Variants in CACNA2D3 observed in about 807,000 individuals in gnomAD.
CACNA2D3 encodes the protein calcium voltage-gated channel auxiliary subunit alpha2delta 3.
Under a neutral mutation model 160.6 loss-of-function variants are expected in CACNA2D3, and 60 were observed. The ratio of observed to expected loss-of-function variants is 0.37; its 90% CI spans 0.30 to 0.46. The LOEUF is 0.46. CACNA2D3 is among the 20% of genes least tolerant of loss of function. The pLI, the probability that CACNA2D3 is intolerant of heterozygous loss-of-function variation, is 1.00. For synonymous variants in CACNA2D3, 558 were observed against 492.9 expected (o/e 1.13, Z -1.75); for missense variants, 1,205 against 1,365.0 (o/e 0.88, Z 1.85).
chr3:54,739,416 A>C (rs1310362063), intron 11 of CACNA2D3, among the ~76,000 whole-genome samples: 7 of 120,566 alleles, frequency 5.8e-5, no homozygotes, highest in Non-Finnish European at 8.5e-5. Context: ...GGAGAGTGAG[A>C]CTCTGTCTCA....
At chr3:54,801,203 G>A (rs549701680) in intron 13 of CACNA2D3, among the ~76,000 whole-genome samples, 1 of 152,028 alleles carries the variant, frequency 6.6e-6, no homozygotes, top group Non-Finnish European at 1.5e-5. Context: ...GGCCAGGCTG[G>A]TGTCAAACTC....
intron 2 of CACNA2D3, among the ~76,000 whole-genome samples, chr3:54,237,549 T>A (rs1380122217): frequency 6.6e-6 from 1 of 152,216 alleles, no homozygotes; most frequent in Admixed American, 6.5e-5. Flanking sequence ...AAGATTAATC[T>A]TCACCCAAGC....
chr3:54,386,574 T>C (rs1168707692), intron 3 of CACNA2D3, 141 bp from the exon 4 acceptor site: 1 of 660,768 alleles, frequency 1.5e-6, no homozygotes. Context: ...GTGATTATTT[T>C]CAGTTTCATG....
At chr3:54,703,287 A>G (rs147386397) in intron 11 of CACNA2D3, among the ~76,000 whole-genome samples, 7 of 152,330 alleles carry the variant, frequency 4.6e-5, no homozygotes, top group Non-Finnish European at 8.8e-5. Context: ...TAGGTTGGAC[A>G]AGGTGCCACA....
At chr3:54,915,863 G>T (rs1310336190) in intron 27 of CACNA2D3, among the ~76,000 whole-genome samples, 1 of 152,176 alleles carries the variant, frequency 6.6e-6, no homozygotes, top group Non-Finnish European at 1.5e-5. Flanking sequence ...TTTCCTTAAA[G>T]ACTGCCCATA....
intron 27 of CACNA2D3, among the ~76,000 whole-genome samples, chr3:54,943,656 G>T (rs1026443703): frequency 6.6e-6 from 1 of 151,534 alleles, no homozygotes; most frequent in East Asian, 1.9e-4. Flanking sequence ...TTTCCCCCAT[G>T]TGTTTCATCA....
intron 27 of CACNA2D3, among the ~76,000 whole-genome samples, chr3:54,942,122 T>C (rs946400415): frequency 6.6e-6 from 1 of 152,254 alleles, no homozygotes; most frequent in Non-Finnish European, 1.5e-5. Context: ...CAATCCTTTG[T>C]TACCTTAGCC....
At chr3:54,828,308 A>T (rs1162219288) in intron 14 of CACNA2D3, among the ~76,000 whole-genome samples, 2 of 152,226 alleles carry the variant, frequency 1.3e-5, no homozygotes, top group Admixed American at 6.5e-5. Flanking sequence ...CCAATGCCTC[A>T]TGATAATTTT....
intron 4 of CACNA2D3, among the ~76,000 whole-genome samples, chr3:54,388,363 G>A (rs1559467938): frequency 6.6e-6 from 1 of 152,218 alleles, no homozygotes; most frequent in Non-Finnish European, 1.5e-5. Flanking sequence ...TGTTGGTATG[G>A]TTGATGCAGT....
intron 11 of CACNA2D3, among the ~76,000 whole-genome samples, chr3:54,644,094 A>G (rs1411629333): frequency 1.3e-5 from 2 of 152,112 alleles, no homozygotes; most frequent in Non-Finnish European, 2.9e-5. Flanking sequence ...AAGAATATTG[A>G]TATTTAAATG....
chr3:54,195,980 A>T (rs1212521345), intron 2 of CACNA2D3, among the ~76,000 whole-genome samples: 2 of 152,238 alleles, frequency 1.3e-5, no homozygotes, highest in Admixed American at 1.3e-4. Context: ...CACGACTGCC[A>T]TTGATCATTG....
intron 2 of CACNA2D3, among the ~76,000 whole-genome samples, chr3:54,280,064 G>GTTTATTTA (rs1236864026): frequency 4.6e-5 from 6 of 131,410 alleles, no homozygotes; most frequent in South Asian, 2.4e-4. Context: ...TTGTTTGTTT[G>GTTTATTTA]TTTGTTTATT....
In CACNA2D3 at chr3:54,627,850, A is replaced by G; in HGVS notation, c.1027A>G (p.Asn343Asp). 1 of 1,607,838 alleles carries G rather than the reference A, an allele frequency of 6.2e-7. No homozygotes were observed. Among genetic ancestry groups the G allele is most frequent in the Non-Finnish European group, 8.5e-7 (1 of 1,176,710 alleles). Residue 343 changes from asparagine to aspartate, a missense_variant, in exon 10 of 38, where the codon AAT becomes GAT. Physicochemically the swap from Asn to Asp is conservative, Grantham distance 23. Transcript: ENST00000474759. ...AATTGGAATGTTGGATATAGCTCTG[A>G]ATGAGGCCTTCAACATTCTGAGTGA... ...KGIGMLDIAL[N>D]EAFNILSDFN...
chr3:54,548,654 C>T (rs767101150), intron 5 of CACNA2D3, among the ~76,000 whole-genome samples: 3 of 152,336 alleles, frequency 2.0e-5, no homozygotes, highest in Non-Finnish European at 4.4e-5. Context: ...GGCTCCCCAG[C>T]GTTTCAAAGG....
chr3:54,915,279 GC>G (rs997354252), intron 27 of CACNA2D3, among the ~76,000 whole-genome samples: 76 of 152,180 alleles, frequency 5.0e-4, no homozygotes, highest in African/African-American at 1.8e-3. Flanking sequence ...CATTCTTCAT[GC>G]CCCCTTTTTT....
chr3:54,681,556 CAAAA>C (rs79551640), intron 11 of CACNA2D3, among the ~76,000 whole-genome samples: 2 of 65,146 alleles, frequency 3.1e-5, no homozygotes. Flanking sequence ...GACTCCATCT[CAAAA>C]AAAAAAAAAA....
intron 27 of CACNA2D3, among the ~76,000 whole-genome samples, chr3:54,937,393 A>G (rs946568640): frequency 6.6e-6 from 1 of 152,236 alleles, no homozygotes; most frequent in African/African-American, 2.4e-5. Context: ...GATTGGTTCC[A>G]GCAATCTGTG....
At chr3:54,182,585 C>T (rs1258848668) in intron 2 of CACNA2D3, among the ~76,000 whole-genome samples, 2 of 152,184 alleles carry the variant, frequency 1.3e-5, no homozygotes, top group African/African-American at 4.8e-5. Flanking sequence ...AATGTTTCTT[C>T]TGTAGTCTGA....
At chr3:54,903,226 G>C (rs1340899316) in intron 27 of CACNA2D3, among the ~76,000 whole-genome samples, 1 of 151,896 alleles carries the variant, frequency 6.6e-6, no homozygotes, top group Non-Finnish European at 1.5e-5. Context: ...CCTCCATTAG[G>C]TCCTAGTGTG....
Sources: allele counts gnomAD v4.1 joint callset (sites outside exome capture counted in the v4.1 genomes callset), GRCh38; gene constraint gnomAD v4.1.1; transcripts MANE v1.5; gene names NCBI Gene and HGNC (gene_info 2026-07-23, HGNC 2026-07-21).